KAT2B: variants seen among roughly 807,000 people sequenced by gnomAD.
The protein encoded by KAT2B is lysine acetyltransferase 2B.
In KAT2B, 36 loss-of-function variants were observed where a neutral mutation model predicts 105.9. That is an observed-to-expected ratio of 0.34 (90% confidence interval 0.26 to 0.45). The LOEUF (loss-of-function observed/expected upper bound fraction) is 0.45, where lower values mean the gene tolerates loss of function less well. Among genes scored for constraint, KAT2B ranks in the 20% least tolerant of loss-of-function variants. The pLI is 1.00. For missense variants in KAT2B, 820 were observed against 1,021.6 expected, an observed-to-expected ratio of 0.80 and a Z score of 2.69; for synonymous variants, 397 against 377.9, an observed-to-expected ratio of 1.05 and a Z score of -0.59.
chr3:20,118,726 CAAA>C lies in KAT2B; in HGVS notation c.1151-853_1151-851del, dbSNP rs202106321. ...GGGCGACAAAAGCGAAACTTTGTCT[CAAA>C]AAAAAAAAAAAAAAAAAAGAGAGAG... is the stretch of plus-strand genomic sequence containing the variant. On this transcript the variant is annotated intron_variant, in intron 7 of 17. Transcript: ENST00000263754. Among the ~76,000 whole-genome samples, 228 of 90,138 alleles carry C rather than the reference CAAA, an allele frequency of 2.5e-3. 1 individual carries two copies. The East Asian group carries it at 0.051, about 20-fold the overall frequency. 59.1% of individuals were successfully genotyped at this position (90,138 alleles called of 152,430 possible).
rs373721059 is a variant in KAT2B at position 20,125,922 on chromosome 3, A to C, written c.1431A>C (p.Ala477=). 3.7e-5 allele frequency: 59 copies of C among 1,613,658 alleles called. No homozygotes were observed. The South Asian group carries it at 5.7e-4, about 16-fold the overall frequency. Residue 477 remains alanine (A), a synonymous_variant, in exon 10 of 18, where the codon GCA becomes GCC. Transcript: ENST00000263754. Reference sequence around the variant, plus strand: ...CATCTCAGACCAATTTTCTGTCAGCACACTCGGCCAGGGATGAGGCGGCAA... The same window carrying C: ...CATCTCAGACCAATTTTCTGTCAGCCCACTCGGCCAGGGATGAGGCGGCAA... ...MLGPETNFLS[A]HSARDEAARL...
intron 11 of KAT2B, among the ~76,000 whole-genome samples, chr3:20,130,210 G>T (rs374883579): frequency 6.6e-6 from 1 of 152,076 alleles, no homozygotes; most frequent in Non-Finnish European, 1.5e-5. Flanking sequence ...TTTTGTCTTC[G>T]ACTCCTAGCA....
intron 7 of KAT2B, among the ~76,000 whole-genome samples, chr3:20,118,801 A>G (rs966394818): frequency 4.0e-5 from 6 of 148,238 alleles, no homozygotes; most frequent in African/African-American, 9.8e-5. Context: ...ATATATAAAT[A>G]CAAATATATA....
chr3:20,113,367 T>C (rs1469500819), intron 6 of KAT2B, among the ~76,000 whole-genome samples: 3 of 152,242 alleles, frequency 2.0e-5, no homozygotes, highest in African/African-American at 4.8e-5. Flanking sequence ...ACACCTGTTA[T>C]GGTATTTAAA....
At chr3:20,127,678 G>T in intron 11 of KAT2B, 129 bp downstream of exon 11, 2 of 842,016 alleles carry the variant, frequency 2.4e-6, no homozygotes, top group East Asian at 2.6e-5. Flanking sequence ...GGACTTTCTG[G>T]GAATAGTCCT....
intron 6 of KAT2B, among the ~76,000 whole-genome samples, chr3:20,113,128 C>T (rs184649551): frequency 1.7e-4 from 26 of 152,274 alleles, no homozygotes; most frequent in Admixed American, 3.9e-4. Context: ...GATTCTGAAG[C>T]ACTTAAACTG....
intron 2 of KAT2B, among the ~76,000 whole-genome samples, chr3:20,091,289 C>G (rs1382397277): frequency 6.6e-6 from 1 of 152,094 alleles, no homozygotes; most frequent in Non-Finnish European, 1.5e-5. Context: ...AATTTATTGA[C>G]ATAACTGTTC....
chr3:20,122,855 TG>T, intron 9 of KAT2B, 51 bp downstream of exon 9: 1 of 1,558,746 alleles, frequency 6.4e-7, no homozygotes, highest in Non-Finnish European at 8.7e-7. Context: ...TCTGCTCTCC[TG>T]GCCACTCCAG....
At chr3:20,064,521 T>A in intron 1 of KAT2B, among the ~76,000 whole-genome samples, 1 of 152,178 alleles carries the variant, frequency 6.6e-6, no homozygotes, top group East Asian at 1.9e-4. Flanking sequence ...CATTTAAACA[T>A]TATGACTTTG....
chr3:20,095,438 C>T (rs1452433724), intron 3 of KAT2B, 30 bp downstream of exon 3: 2 of 1,484,768 alleles, frequency 1.3e-6, no homozygotes, highest in Middle Eastern at 2.2e-4. Context: ...AAAACATTTT[C>T]TCTCATTATT....
intron 3 of KAT2B, among the ~76,000 whole-genome samples, chr3:20,097,780 C>A (rs761050687): frequency 1.3e-5 from 2 of 152,064 alleles, no homozygotes; most frequent in Non-Finnish European, 2.9e-5. Context: ...CAAGTGATCT[C>A]CCCCCTCGGC....
rs890322720 is a variant in KAT2B, at chr3:20,104,884, T to G, written c.851+3416T>G. Among the ~76,000 whole-genome samples, 3 of 89,606 alleles carry G rather than the reference T, an allele frequency of 3.3e-5. No homozygotes were observed. The East Asian group carries it at 1.1e-3, about 32-fold the overall frequency. 58.8% of individuals were successfully genotyped at this position (89,606 alleles called of 152,430 possible). A position where few individuals can be genotyped will look rare whatever the true frequency, so the allele number is the denominator to read the frequency against. ...AATATAAGTATTCTTTTTTTGTTGT[T>G]TTTTTGTTTTTTTTTTTTTTGAGAT... is the stretch of plus-strand genomic sequence containing the variant. On this transcript the variant is annotated intron_variant, in intron 5 of 17. Coordinates refer to ENST00000263754, the MANE Select transcript of KAT2B (RefSeq NM_003884.5).
At chr3:20,115,023 A>G (rs1465609242) in intron 7 of KAT2B, 35 bp downstream of exon 7, 1 of 1,325,456 alleles carries the variant, frequency 7.5e-7, no homozygotes, top group Admixed American at 1.7e-5. Context: ...GAGAACAACC[A>G]GGGAGGCCAA....
At chr3:20,064,095 T>C (rs1559515322) in intron 1 of KAT2B, among the ~76,000 whole-genome samples, 1 of 152,222 alleles carries the variant, frequency 6.6e-6, no homozygotes, top group South Asian at 2.1e-4. Flanking sequence ...AGCAAACTGT[T>C]TTCCAAGGTG....
chr3:20,148,442 A>C lies in KAT2B; in HGVS notation c.2260A>C (p.Arg754=). ...TTGGCCCTTCATGGAACCTGTGAAGAGAACAGAAGCTCCAGGATATTATGA... is the reference window on the plus strand; with the variant it reads ...TTGGCCCTTCATGGAACCTGTGAAGCGAACAGAAGCTCCAGGATATTATGA... ...SAWPFMEPVK[R]TEAPGYYEVI... Residue 754 remains arginine (R), a synonymous_variant, in exon 17 of 18, where the codon AGA becomes CGA. Coordinates refer to ENST00000263754, the MANE Select transcript of KAT2B (RefSeq NM_003884.5). 1 of 1,610,260 alleles carries C rather than the reference A, an allele frequency of 6.2e-7. No homozygotes were observed. Among genetic ancestry groups the C allele is most frequent in the Non-Finnish European group, 8.5e-7 (1 of 1,179,020 alleles).
At chr3:20,113,046 A>G (rs760965921) in intron 6 of KAT2B, among the ~76,000 whole-genome samples, 43 of 152,182 alleles carry the variant, frequency 2.8e-4, no homozygotes, top group Non-Finnish European at 5.7e-4. Context: ...CTGATTGTCA[A>G]ATTTTTCTTT....
At chr3:20,134,960 G>T (rs1368830745) in intron 11 of KAT2B, among the ~76,000 whole-genome samples, 1 of 152,012 alleles carries the variant, frequency 6.6e-6, no homozygotes, top group Non-Finnish European at 1.5e-5. Flanking sequence ...TTTTCCTAGT[G>T]TGTTTTTATA....
chr3:20,127,569 C>G lies in KAT2B; in HGVS notation c.1749+20C>G. ...GTCAAGGTAAGGGTAAACCCAAGGT[C>G]TTAGAAGAAGAGCAGAATGTGGGGC... On this transcript the variant is annotated intron_variant, in intron 11 of 17. Transcript: ENST00000263754. The G allele has an allele frequency of 6.2e-7, 1 of 1,611,066 alleles. No individual in the cohort carries two copies. The highest frequency in any genetic ancestry group is 8.5e-7 in the Non-Finnish European group (1 of 1,178,080).
chr3:20,107,682 C>CA (rs1216574528), intron 5 of KAT2B, among the ~76,000 whole-genome samples: 1 of 145,756 alleles, frequency 6.9e-6, no homozygotes, highest in Non-Finnish European at 1.5e-5. Context: ...ACCACAAAAA[C>CA]AAAAAACCCA....
Sources: gnomAD v4.1 joint callset for allele counts (sites outside exome capture counted in the v4.1 genomes callset) on GRCh38, gnomAD v4.1.1 for gene constraint, MANE v1.5 for transcripts, NCBI Gene and HGNC (gene_info 2026-07-23, HGNC 2026-07-21) for gene names.